Variants in SYK observed in about 807,000 individuals in gnomAD.
SYK encodes the protein spleen associated tyrosine kinase.
SYK carries 16 observed loss-of-function variants against 77.8 expected under a neutral mutation model. That is an observed-to-expected ratio of 0.21 (90% confidence interval 0.14 to 0.31). The LOEUF is 0.31. Among genes scored for constraint, SYK ranks in the 10% least tolerant of loss-of-function variants. The pLI, the probability that SYK is intolerant of heterozygous loss-of-function variation, is 1.00. For missense variants in SYK, 529 were observed against 814.4 expected (o/e 0.65, Z 4.26); for synonymous variants, 312 against 308.7 (o/e 1.01, Z -0.11).
At chr9:90,823,126 C>T (rs576482031) in intron 1 of SYK, among the ~76,000 whole-genome samples, 11 of 152,204 alleles carry the variant, frequency 7.2e-5, no homozygotes, top group African/African-American at 2.4e-4. Context: ...ACTTAAAGGA[C>T]AAAAAACTCA....
chr9:90,821,709 CAT>C (rs200364258), intron 1 of SYK, among the ~76,000 whole-genome samples: 1,762 of 152,306 alleles, frequency 0.012, 39 homozygotes, highest in African/African-American at 0.039. Flanking sequence ...CCTTTCACCT[CAT>C]ATTATAAGTA....
intron 1 of SYK, among the ~76,000 whole-genome samples, chr9:90,842,904 A>G (rs182697053): frequency 5.3e-5 from 8 of 152,132 alleles, no homozygotes; most frequent in South Asian, 4.1e-4. Flanking sequence ...CTCCTTGGAT[A>G]CTTTTGGGGC....
At chr9:90,868,580 A>G in intron 7 of SYK, among the ~76,000 whole-genome samples, 1 of 152,238 alleles carries the variant, frequency 6.6e-6, no homozygotes. Flanking sequence ...TTTATAGTAA[A>G]GCAAATATAA....
chr9:90,864,520 G>A, intron 4 of SYK, 69 bp from the exon 5 acceptor site: 1 of 1,363,376 alleles, frequency 7.3e-7, no homozygotes, highest in Non-Finnish European at 1.0e-6. Flanking sequence ...TCAGTCAGTA[G>A]CTCTCAGTCA....
chr9:90,895,453 T>G lies in SYK; in HGVS notation c.1836-75T>G. On this transcript the variant is annotated intron_variant, in intron 13 of 13. Transcript: ENST00000375754. The surrounding 1 kb of genome is among the most constrained non-coding windows in gnomAD (Gnocchi z 4.4). ...GGAGCAGCACCACTGGTACTCAGCC[T>G]GCAGAGGCCCTGCTTGTGATCAGCA... The G allele has an allele frequency of 6.6e-7, 1 of 1,513,250 alleles. No individual in the cohort carries two copies. 93.7% of individuals were successfully genotyped at this position (1,513,250 alleles called of 1,614,324 possible).
intron 1 of SYK, among the ~76,000 whole-genome samples, chr9:90,842,500 T>C (rs531879973): frequency 3.1e-4 from 47 of 151,590 alleles, no homozygotes; most frequent in Middle Eastern, 3.4e-3. Context: ...TATGTGTATG[T>C]GTGTGGGGTA....
Position 90,856,736 on chromosome 9 carries a change from G to A in SYK, c.579-5470G>A, listed in dbSNP as rs534791967. Among the ~76,000 whole-genome samples, 8 of 151,968 alleles carry A rather than the reference G, an allele frequency of 5.3e-5. No individual in the cohort carries two copies. In the South Asian group the frequency reaches 8.3e-4, roughly 16 times the overall value. On this transcript the variant is annotated intron_variant, in intron 3 of 13. Transcript: ENST00000375754. Reference sequence around the variant, plus strand: ...TTCTATATCTGATTATTCTACTACCGAAACTTTTGGAGGATGTAAATCTCT... The same window carrying A: ...TTCTATATCTGATTATTCTACTACCAAAACTTTTGGAGGATGTAAATCTCT...
At chr9:90,879,329 T>A (rs1828061222) in intron 11 of SYK, among the ~76,000 whole-genome samples, 1 of 152,216 alleles carries the variant, frequency 6.6e-6, no homozygotes, top group Admixed American at 6.5e-5. Flanking sequence ...TACTTAACAT[T>A]ACGAATCTCA....
At chr9:90,841,794 G>A (rs1025893075) in intron 1 of SYK, among the ~76,000 whole-genome samples, 1 of 150,652 alleles carries the variant, frequency 6.6e-6, no homozygotes, top group East Asian at 2.0e-4. Context: ...TGTGTAGTGT[G>A]TTATGTGTGT....
At chr9:90,850,314 A>G (rs4744014) in intron 3 of SYK, among the ~76,000 whole-genome samples, 107,016 of 152,090 alleles carry the variant, frequency 0.7, 38,263 homozygotes, top group African/African-American at 0.82. Flanking sequence ...TCTAGAGATC[A>G]AGACCATCCT....
chr9:90,835,123 G>A (rs1294252659), intron 1 of SYK, among the ~76,000 whole-genome samples: 1 of 152,238 alleles, frequency 6.6e-6, no homozygotes, highest in Non-Finnish European at 1.5e-5. Context: ...AATGTCAAGA[G>A]TGCCAAGGTT....
At chr9:90,844,376 C>T (rs1826497365) in intron 2 of SYK, 61 bp downstream of exon 2, 1 of 1,464,304 alleles carries the variant, frequency 6.8e-7, no homozygotes, top group Non-Finnish European at 9.0e-7. Flanking sequence ...ACACAGACTT[C>T]CTGGCTACAT....
chr9:90,881,478 G>A (rs1441920724), intron 11 of SYK, among the ~76,000 whole-genome samples: 1 of 151,968 alleles, frequency 6.6e-6, no homozygotes, highest in Non-Finnish European at 1.5e-5. Context: ...TCAGGAGTTC[G>A]AGACCAGCCT....
Position 90,842,756 on chromosome 9 carries a change from A to AGTGT in SYK, c.-41-1101_-41-1100insTGTG, listed in dbSNP as rs1423688327. Among the ~76,000 whole-genome samples, 466 of 143,732 alleles carry AGTGT rather than the reference A, an allele frequency of 3.2e-3. 4 individuals are homozygous for AGTGT. The highest frequency in any genetic ancestry group is 0.014 in the Middle Eastern group (4 of 288). 94.3% of individuals were successfully genotyped at this position (143,732 alleles called of 152,430 possible). A position where few individuals can be genotyped will look rare whatever the true frequency, so the allele number is the denominator to read the frequency against. ...CATGTAGTGTGCATGTGGTATGGAG[A>AGTGT]GAGTGTGTGTGTGTGTGTGTGTGTG... On this transcript the variant is annotated intron_variant, in intron 1 of 13. Coordinates refer to ENST00000375754, the MANE Select transcript of SYK (RefSeq NM_003177.7).
chr9:90,802,261 G>A (rs1826760901), intron 1 of SYK, among the ~76,000 whole-genome samples: 1 of 152,234 alleles, frequency 6.6e-6, no homozygotes, highest in Non-Finnish European at 1.5e-5. Context: ...GCGCGAGGAA[G>A]TCGATCTTGG....
At chr9:90,831,699 G>C (rs553331595) in intron 1 of SYK, among the ~76,000 whole-genome samples, 49 of 152,274 alleles carry the variant, frequency 3.2e-4, no homozygotes, top group African/African-American at 1.2e-3. Context: ...CATTTGTGAC[G>C]TGCACAAAGC....
intron 11 of SYK, among the ~76,000 whole-genome samples, chr9:90,884,926 C>CACATAT (rs1424794798): frequency 7.4e-6 from 1 of 134,612 alleles, no homozygotes; most frequent in African/African-American, 2.9e-5. Flanking sequence ...CATATATATA[C>CACATAT]ATATGCACAT....
In SYK at chr9:90,862,353, C is replaced by T. The variant is rs368091459; in HGVS notation, c.717+9C>T. On this transcript the variant is annotated intron_variant, in intron 4 of 13. Transcript: ENST00000375754. ...TCGACACGCTCTGGCAGGTACCCAG[C>T]CTCCTCTCCCCACCTTGTGGGTAGA... is the stretch of plus-strand genomic sequence containing the variant. 5 of 1,612,086 alleles carry T rather than the reference C, an allele frequency of 3.1e-6. No homozygotes were observed. The African/African-American group carries it at 4.0e-5, about 13-fold the overall frequency.
intron 3 of SYK, among the ~76,000 whole-genome samples, chr9:90,850,166 G>A (rs1304520176): frequency 6.6e-6 from 1 of 152,210 alleles, no homozygotes; most frequent in East Asian, 1.9e-4. Flanking sequence ...GAGAGTCACT[G>A]GCCATAAAAG....
Sources: allele counts gnomAD v4.1 joint callset (sites outside exome capture counted in the v4.1 genomes callset), GRCh38; gene constraint gnomAD v4.1.1; non-coding constraint Gnocchi (gnomAD v3.1); transcripts MANE v1.5; gene names NCBI Gene and HGNC (gene_info 2026-07-23, HGNC 2026-07-21).